The following CBLB variants were observed in gnomAD, a reference collection of about 807,000 sequenced individuals.
The protein encoded by CBLB is Cbl proto-oncogene B.
Under a neutral mutation model 104.9 loss-of-function variants are expected in CBLB, and 31 were observed. That is an observed-to-expected ratio of 0.30 (90% CI 0.22 to 0.40). The LOEUF (loss-of-function observed/expected upper bound fraction) is 0.40, where lower values mean the gene tolerates loss of function less well. CBLB is among the 10% of genes least tolerant of loss of function. The probability of loss-of-function intolerance (pLI) is 1.00; values close to 1 mark genes in which losing one functional copy is unlikely to be tolerated. For synonymous variants in CBLB, 440 were observed against 422.6 expected (o/e 1.04, Z -0.51); for missense variants, 1,062 against 1,214.6 (o/e 0.87, Z 1.87).
In CBLB at chr3:105,678,855, T is replaced by C. The variant is rs74637427; in HGVS notation, c.2429-284A>G. Among the ~76,000 whole-genome samples, 40 of 152,306 alleles carry C rather than the reference T, an allele frequency of 2.6e-4. 1 individual carries two copies. The East Asian group carries it at 6.8e-3, about 26-fold the overall frequency. The stretch of plus-strand genomic sequence containing the variant: ...TTATAAAAAGCAGCATTGTAACTTA[T>C]GAAACAGCTCATAGTTCACTTGTAA... On this transcript the variant is annotated intron_variant, in intron 16 of 18. Coordinates refer to ENST00000394030, the MANE Select transcript of CBLB (RefSeq NM_170662.5).
intron 6 of CBLB, among the ~76,000 whole-genome samples, chr3:105,745,675 G>T (rs537141884): frequency 6.6e-6 from 1 of 152,016 alleles, no homozygotes; most frequent in African/African-American, 2.4e-5. Flanking sequence ...ACATAAACAC[G>T]GATATCATGA....
chr3:105,776,050 C>T (rs1004642122), intron 4 of CBLB, among the ~76,000 whole-genome samples: 1 of 152,028 alleles, frequency 6.6e-6, no homozygotes, highest in Non-Finnish European at 1.5e-5. Flanking sequence ...TATCTATGCC[C>T]TTCTACCCTT....
At chr3:105,859,062 T>C (rs1414486172) in intron 2 of CBLB, among the ~76,000 whole-genome samples, 1 of 152,218 alleles carries the variant, frequency 6.6e-6, no homozygotes, top group East Asian at 1.9e-4. Context: ...TTACTTATTC[T>C]TGGAATAATC....
chr3:105,862,725 A>G (rs1485829227), intron 2 of CBLB, among the ~76,000 whole-genome samples: 1 of 152,176 alleles, frequency 6.6e-6, no homozygotes, highest in Admixed American at 6.5e-5. Flanking sequence ...AGACAAAATT[A>G]TTTGACAAAA....
In CBLB at chr3:105,685,377, T is replaced by C. The variant is rs750359743; in HGVS notation, c.2144A>G (p.His715Arg). The C allele has an allele frequency of 4.2e-5, 68 of 1,612,908 alleles. No individual in the cohort carries two copies. The highest frequency in any genetic ancestry group is 4.4e-5 in the Non-Finnish European group (52 of 1,179,096). ...DDDEYKIPSSHPVSLNSQPSH... is the reference protein window; with the variant it reads ...DDDEYKIPSSRPVSLNSQPSH... Reference sequence around the variant, plus strand: ...TGGTTGTGAATTCAGGGAAACAGGGTGGGATGAAGGAATCTTGTATTCATC... The same window carrying C: ...TGGTTGTGAATTCAGGGAAACAGGGCGGGATGAAGGAATCTTGTATTCATC... Residue 715 changes from histidine (H) to arginine (R), a missense_variant, in exon 14 of 19, where the codon CAC becomes CGC. By Grantham distance (29) the His-to-Arg change is conservative. Transcript: ENST00000394030.
intron 13 of CBLB, 77 bp downstream of exon 13, chr3:105,693,417 G>T: frequency 1.2e-6 from 1 of 808,020 alleles, no homozygotes; most frequent in Non-Finnish European, 2.1e-6. Context: ...TGTAGTGTCT[G>T]TACTGAGAAC....
chr3:105,719,461 A>T (rs1035760587), intron 10 of CBLB, among the ~76,000 whole-genome samples: 1 of 152,216 alleles, frequency 6.6e-6, no homozygotes, highest in East Asian at 1.9e-4. Context: ...GACCACATAC[A>T]TCATGGTGAT....
intron 3 of CBLB, among the ~76,000 whole-genome samples, chr3:105,823,164 T>G (rs2086117207): frequency 6.6e-6 from 1 of 152,234 alleles, no homozygotes; most frequent in African/African-American, 2.4e-5. Flanking sequence ...AAACATTGTC[T>G]CTGACATTCT....
At chr3:105,808,875 G>C (rs2153034741) in intron 3 of CBLB, among the ~76,000 whole-genome samples, 1 of 152,208 alleles carries the variant, frequency 6.6e-6, no homozygotes, top group East Asian at 1.9e-4. Flanking sequence ...TTCAAAAATA[G>C]GAGCACTGAA....
chr3:105,731,812 T>C (rs1433546444), intron 9 of CBLB, among the ~76,000 whole-genome samples: 1 of 152,218 alleles, frequency 6.6e-6, no homozygotes, highest in Non-Finnish European at 1.5e-5. Context: ...AATGTTTCTG[T>C]CAAACTCATA....
chr3:105,869,082 G>A (rs1331408706), upstream of CBLB: 1 of 1,046,382 alleles, frequency 9.6e-7, no homozygotes, highest in East Asian at 9.0e-5. Context: ...GCCGGGCGCC[G>A]CTGAGCCAAT....
chr3:105,835,422 AGAAGG>A (rs1424680520), intron 3 of CBLB, among the ~76,000 whole-genome samples: 1 of 152,226 alleles, frequency 6.6e-6, no homozygotes, highest in South Asian at 2.1e-4. Context: ...AGTAGGAAGG[AGAAGG>A]GAAGACATCA....
intron 2 of CBLB, among the ~76,000 whole-genome samples, chr3:105,859,418 G>T (rs758720763): frequency 6.6e-6 from 1 of 152,144 alleles, no homozygotes; most frequent in Non-Finnish European, 1.5e-5. Flanking sequence ...TTGGGAGGCC[G>T]AGGCGAGCGG....
chr3:105,740,358 A>G (rs375024534), intron 7 of CBLB, 136 bp downstream of exon 7: 1 of 859,778 alleles, frequency 1.2e-6, no homozygotes, highest in East Asian at 2.5e-5. Flanking sequence ...GATGAACAAA[A>G]AACTAAGGAA....
chr3:105,697,502 C>G (rs1432523713), intron 12 of CBLB, among the ~76,000 whole-genome samples: 8 of 151,986 alleles, frequency 5.3e-5, no homozygotes, highest in Non-Finnish European at 8.8e-5. Context: ...ATGTAAACCC[C>G]TACACATGCT....
intron 4 of CBLB, among the ~76,000 whole-genome samples, chr3:105,768,974 AGAG>A (rs1253883984): frequency 1.3e-5 from 2 of 152,224 alleles, no homozygotes; most frequent in African/African-American, 4.8e-5. Context: ...AATTGAGAGT[AGAG>A]GATAGACATC....
At chr3:105,799,328 G>A (rs550104929) in intron 3 of CBLB, among the ~76,000 whole-genome samples, 8 of 152,176 alleles carry the variant, frequency 5.3e-5, no homozygotes, top group African/African-American at 1.7e-4. Flanking sequence ...CGTTATGTAA[G>A]AGAACATTAG....
intron 3 of CBLB, among the ~76,000 whole-genome samples, chr3:105,832,638 G>C (rs2153080734): frequency 6.6e-6 from 1 of 152,192 alleles, no homozygotes. Context: ...TCTCCAGAAA[G>C]AAAACAAAAC....
intron 3 of CBLB, among the ~76,000 whole-genome samples, chr3:105,793,175 A>C (rs537510824): frequency 3.9e-5 from 6 of 152,270 alleles, no homozygotes; most frequent in African/African-American, 1.4e-4. Context: ...TGTTGAATGC[A>C]ACATCACAGA....
Sources: gnomAD v4.1 joint callset for allele counts (sites outside exome capture counted in the v4.1 genomes callset) on GRCh38, gnomAD v4.1.1 for gene constraint, MANE v1.5 for transcripts, NCBI Gene and HGNC (gene_info 2026-07-23, HGNC 2026-07-21) for gene names.